The following PEX5L variants were observed in gnomAD, a reference collection of about 807,000 sequenced individuals.
The protein encoded by PEX5L is peroxisomal biogenesis factor 5 like.
PEX5L carries 30 observed loss-of-function variants against 84.0 expected under a neutral mutation model. The observed-to-expected ratio is 0.36, with a 90% CI of 0.27 to 0.48. The LOEUF (loss-of-function observed/expected upper bound fraction) is 0.48. Ranked by LOEUF, PEX5L falls within the 20% of genes least tolerant of loss-of-function variation. The pLI is 0.99. For synonymous variants in PEX5L, 270 were observed against 283.1 expected, an observed-to-expected ratio of 0.95 and a Z score of 0.46; for missense variants, 533 against 754.6, an observed-to-expected ratio of 0.71 and a Z score of 3.44.
chr3:180,012,978 T>TA (rs1561063015), intron 1 of PEX5L, among the ~76,000 whole-genome samples: 1 of 152,156 alleles, frequency 6.6e-6, no homozygotes, highest in Non-Finnish European at 1.5e-5. Flanking sequence ...AAGTGATTTT[T>TA]AAAAAAATTA....
chr3:179,911,512 T>C (rs1765166454), intron 2 of PEX5L, among the ~76,000 whole-genome samples: 1 of 152,114 alleles, frequency 6.6e-6, no homozygotes, highest in Non-Finnish European at 1.5e-5. Context: ...CTAGGTAATA[T>C]ATGTAAAAGT....
intron 2 of PEX5L, among the ~76,000 whole-genome samples, chr3:179,931,994 A>T (rs944895644): frequency 1.3e-5 from 2 of 152,174 alleles, no homozygotes; most frequent in Admixed American, 6.5e-5. Context: ...TAAAATTAGA[A>T]ATGTGCAAAT....
At chr3:180,030,515 T>C (rs1309152345) in intron 1 of PEX5L, among the ~76,000 whole-genome samples, 1 of 152,232 alleles carries the variant, frequency 6.6e-6, no homozygotes, top group Non-Finnish European at 1.5e-5. Context: ...AGAGTCATCA[T>C]GGTCTCCTTG....
At position 179,875,114 on chromosome 3, in the gene PEX5L, T is replaced by C. The variant is rs559361966; in HGVS notation, c.629+240A>G. Among the ~76,000 whole-genome samples the C allele has an allele frequency of 2.6e-5, 4 of 151,164 alleles. No individual in the cohort carries two copies. The South Asian group carries it at 6.3e-4, about 24-fold the overall frequency. ...TTAGCACAGTTACACATTCAGAACA[T>C]TATTAACAATGTTGATTTAAGAATC... On this transcript the variant is annotated intron_variant, in intron 6 of 14. Coordinates refer to ENST00000467460, the MANE Select transcript of PEX5L (RefSeq NM_016559.3).
intron 8 of PEX5L, among the ~76,000 whole-genome samples, chr3:179,826,658 A>G (rs1282090385): frequency 6.6e-6 from 1 of 152,186 alleles, no homozygotes; most frequent in East Asian, 1.9e-4. Context: ...TGTGTTCCGT[A>G]TGATAACAGG....
intron 2 of PEX5L, among the ~76,000 whole-genome samples, chr3:179,936,409 C>T (rs905804528): frequency 1.3e-5 from 2 of 152,092 alleles, no homozygotes; most frequent in African/African-American, 4.8e-5. Context: ...CTCTTGGATT[C>T]TTAGAAAATA....
chr3:179,950,134 G>T (rs1578854919), intron 2 of PEX5L, among the ~76,000 whole-genome samples: 1 of 152,202 alleles, frequency 6.6e-6, no homozygotes, highest in Admixed American at 6.5e-5. Flanking sequence ...TACACTGCAG[G>T]CTCATTGATG....
At chr3:179,973,943 T>C (rs1785401651) in intron 1 of PEX5L, 2 of 985,352 alleles carry the variant, frequency 2.0e-6, no homozygotes, top group African/African-American at 1.7e-5. Context: ...AATTAAGCAA[T>C]ATTTTCTAGT....
At chr3:179,843,280 C>T (rs186078908) in intron 8 of PEX5L, among the ~76,000 whole-genome samples, 10 of 152,264 alleles carry the variant, frequency 6.6e-5, no homozygotes, top group African/African-American at 2.2e-4. Flanking sequence ...AAGATCTTTT[C>T]AGAATTCCAA....
At chr3:180,027,471 A>C (rs140159289) in intron 1 of PEX5L, among the ~76,000 whole-genome samples, 1 of 152,224 alleles carries the variant, frequency 6.6e-6, no homozygotes, top group East Asian at 1.9e-4. Context: ...ATTATCTTTC[A>C]TTCCTTCTCC....
intron 1 of PEX5L, among the ~76,000 whole-genome samples, chr3:179,991,103 C>G (rs958795301): frequency 2.6e-5 from 4 of 152,150 alleles, no homozygotes; most frequent in Non-Finnish European, 4.4e-5. Flanking sequence ...GCTGAAAACT[C>G]TGGAGACTCC....
chr3:179,887,329 G>A (rs941036320), intron 4 of PEX5L, among the ~76,000 whole-genome samples: 10 of 152,036 alleles, frequency 6.6e-5, no homozygotes, highest in African/African-American at 2.4e-4. Context: ...AGAAATAATT[G>A]GACCATCAGC....
chr3:179,878,136 T>C (rs1415001952), intron 5 of PEX5L, among the ~76,000 whole-genome samples: 2 of 152,230 alleles, frequency 1.3e-5, no homozygotes, highest in African/African-American at 4.8e-5. Flanking sequence ...TCCTCAAATA[T>C]AGCAGGTTCA....
At chr3:179,892,319 A>G (rs1257307099) in intron 3 of PEX5L, among the ~76,000 whole-genome samples, 1 of 152,130 alleles carries the variant, frequency 6.6e-6, no homozygotes, top group African/African-American at 2.4e-5. Flanking sequence ...CAACTGGCAC[A>G]TTGTCTAGGA....
chr3:179,897,970 TTC>T (rs1759917729), intron 3 of PEX5L, among the ~76,000 whole-genome samples, 170 bp downstream of exon 3: 1 of 152,204 alleles, frequency 6.6e-6, no homozygotes, highest in South Asian at 2.1e-4. Flanking sequence ...TGGTGAATTT[TTC>T]TTTTTTTAGC....
intron 8 of PEX5L, among the ~76,000 whole-genome samples, chr3:179,823,323 C>A (rs557047301): frequency 6.6e-6 from 1 of 152,010 alleles, no homozygotes; most frequent in African/African-American, 2.4e-5. Flanking sequence ...TGGACTGTTA[C>A]GCAGCAATTA....
At chr3:179,964,755 AG>A (rs1262415012) in intron 2 of PEX5L, among the ~76,000 whole-genome samples, 1 of 152,168 alleles carries the variant, frequency 6.6e-6, no homozygotes, top group Non-Finnish European at 1.5e-5. Flanking sequence ...TGAGATAACA[AG>A]GGGATCTTAC....
At chr3:179,916,338 T>C (rs905395974) in intron 2 of PEX5L, among the ~76,000 whole-genome samples, 30 of 152,234 alleles carry the variant, frequency 2.0e-4, no homozygotes, top group African/African-American at 6.8e-4. Flanking sequence ...CTGTACTGAA[T>C]ACTGTTTGCA....
chr3:180,025,015 C>G (rs1195400530), intron 1 of PEX5L, among the ~76,000 whole-genome samples: 1 of 152,112 alleles, frequency 6.6e-6, no homozygotes, highest in Non-Finnish European at 1.5e-5. Flanking sequence ...AGTCTGCAGT[C>G]CTAAATTGTC....
Sources: gnomAD v4.1 joint callset for allele counts (sites outside exome capture counted in the v4.1 genomes callset) on GRCh38, gnomAD v4.1.1 for gene constraint, MANE v1.5 for transcripts, NCBI Gene and HGNC (gene_info 2026-07-23, HGNC 2026-07-21) for gene names.